Variants in SHANK1 observed in about 807,000 individuals in gnomAD.
The protein encoded by SHANK1 is SH3 and multiple ankyrin repeat domains 1, also known as SH3 and multiple ankyrin repeat domains protein 1.
SHANK1 carries 35 observed loss-of-function variants against 165.6 expected under a neutral mutation model. The ratio of observed to expected loss-of-function variants is 0.21; its 90% confidence interval spans 0.16 to 0.28. The LOEUF (loss-of-function observed/expected upper bound fraction) is 0.28, where lower values mean the gene tolerates loss of function less well. SHANK1 is among the 10% of genes least tolerant of loss of function. SHANK1 has a pLI of 1.00. For missense variants in SHANK1, 2,681 were observed against 3,036.4 expected (o/e 0.88, Z 2.75); for synonymous variants, 1,428 against 1,384.8 (o/e 1.03, Z -0.69).
In SHANK1 at chr19:50,668,483, G is replaced by A; in HGVS notation, c.3477C>T (p.Ile1159=). ...TGCTACTGGTGGACGGGGCCTTGAT[G>A]ATGATGGTGGGGATGGGGATGGAGT... ...EKNSIPIPTI[I]IKAPSTSSSG... is the part of the protein sequence containing the mutation. Residue 1159 remains isoleucine (I), a synonymous_variant, in exon 23 of 24, where the codon ATC becomes ATT. Transcript: ENST00000293441. The A allele has an allele frequency of 9.7e-6, 13 of 1,344,282 alleles. No individual in the cohort carries two copies. The highest frequency in any genetic ancestry group is 1.2e-5 in the Non-Finnish European group (13 of 1,047,040). The allele number at this position is 1,344,282 out of a possible 1,614,324, so 83.3% of individuals were successfully genotyped here. A position where few individuals can be genotyped will look rare whatever the true frequency, so the allele number is the denominator to read the frequency against.
intron 15 of SHANK1, among the ~76,000 whole-genome samples, chr19:50,695,250 GGGGGGCGC>G (rs1426425333): frequency 7.6e-5 from 11 of 145,646 alleles, no homozygotes; most frequent in Admixed American, 4.7e-4. Context: ...CTCACATGCC[GGGGGGCGC>G]GGGGGCGCGG....
chr19:50,672,572 A>AAG (rs1275662650), intron 21 of SHANK1, among the ~76,000 whole-genome samples: 4 of 151,224 alleles, frequency 2.6e-5, no homozygotes, highest in African/African-American at 9.7e-5. Context: ...AAAAAAAAAA[A>AAG]AAAAAAAAGA....
chr19:50,714,351 T>C, intron 4 of SHANK1, 61 bp from the exon 5 acceptor site: 1 of 1,457,916 alleles, frequency 6.9e-7, no homozygotes, highest in Non-Finnish European at 9.5e-7. Flanking sequence ...AGAAGCAGGG[T>C]CCTCAAGCAG....
In SHANK1 at chr19:50,662,017, A is replaced by G. The variant is rs1985248434; in HGVS notation, c.6434T>C (p.Val2145Ala). The change falls in exon 24 of 24, where the codon GTG becomes GCG. Residue 2145 changes from valine to alanine, a missense_variant. By Grantham distance (64) the Val-to-Ala change is moderately conservative. Coordinates refer to ENST00000293441, the MANE Select transcript of SHANK1 (RefSeq NM_016148.5). The surrounding 1 kb of genome is among the most constrained non-coding windows in gnomAD (Gnocchi z 7.7). ...EDYVDLGVTR[V>A]GHRMNIDRAL... ...CCGGTCGATGTTCATGCGGTGGCCC[A>G]CCCTGGTCACACCTAGATCGACGTA... 6.2e-7 allele frequency: 1 copy of G among 1,613,962 alleles called. No homozygotes were observed.
rs768312167 is a variant in SHANK1, at chr19:50,667,434, C to T, written c.4526G>A (p.Gly1509Asp). Residue 1509 changes from glycine to aspartate, a missense_variant, in exon 23 of 24, where the codon GGT (glycine) becomes GAT (aspartate). Transcript: ENST00000293441. This position sits in a 1 kb window ranked among gnomAD's most constrained non-coding sequence, Gnocchi z 5.7. ...CCCCGGCCCGTCCTCCGAGGGGGGA[C>T]CCCTTCCGCTCGTCACAGGGGCCCG... is the stretch of plus-strand genomic sequence containing the variant. ...QPRAPVTSGR[G>D]PPSEDGPGVP... is the part of the protein sequence containing the mutation. 1.3e-6 allele frequency: 2 copies of T among 1,524,880 alleles called. No homozygotes were observed. Among genetic ancestry groups the T allele is most frequent in the South Asian group, 2.4e-5 (2 of 81,768 alleles). 94.5% of individuals were successfully genotyped at this position (1,524,880 alleles called of 1,614,324 possible).
chr19:50,694,836 A>C (rs868267119), intron 15 of SHANK1, among the ~76,000 whole-genome samples: 1 of 123,730 alleles, frequency 8.1e-6, no homozygotes, highest in Non-Finnish European at 1.7e-5. Flanking sequence ...GCGGCGGGGG[A>C]GGGTCGCCAC....
chr19:50,688,124 A>AC lies in SHANK1; in HGVS notation c.2173-67dup. The AC allele has an allele frequency of 1.3e-6, 2 of 1,593,560 alleles. No homozygotes were observed. The highest frequency in any genetic ancestry group is 1.7e-6 in the Non-Finnish European group (2 of 1,168,170). ...GGGAGGGGTGCTTGCAGCTTCAGAG[A>AC]CCCCAAGGAGGATGCCTCCTGCGCT... is the stretch of plus-strand genomic sequence containing the variant. On this transcript the variant is annotated intron_variant, in intron 17 of 23. Transcript: ENST00000293441. This position sits in a 1 kb window ranked among gnomAD's most constrained non-coding sequence, Gnocchi z 6.7.
intron 21 of SHANK1, 122 bp from the exon 22 acceptor site, chr19:50,672,236 G>C: frequency 1.3e-6 from 1 of 797,406 alleles, no homozygotes; most frequent in Non-Finnish European, 2.0e-6. Context: ...CTGCCGTAAG[G>C]GAGAGCAGTG....
At chr19:50,703,209 C>G (rs768121088) in intron 11 of SHANK1, among the ~76,000 whole-genome samples, 1 of 151,992 alleles carries the variant, frequency 6.6e-6, no homozygotes, top group Non-Finnish European at 1.5e-5. Flanking sequence ...CAGCTTCCCT[C>G]CACCTCACCC....
At chr19:50,665,967 C>T (rs1050860981) in intron 23 of SHANK1, among the ~76,000 whole-genome samples, 18 of 148,174 alleles carry the variant, frequency 1.2e-4, no homozygotes, top group African/African-American at 4.0e-4. Context: ...GCCGAGATCA[C>T]GCCATTGCAC....
In SHANK1 at chr19:50,660,118, TG is replaced by T. The variant is rs112388773; in HGVS notation, c.*1846del. On this transcript the variant is annotated 3_prime_UTR_variant, in exon 24 of 24. Coordinates refer to ENST00000293441, the MANE Select transcript of SHANK1 (RefSeq NM_016148.5). Reference sequence around the variant, plus strand: ...AGCTCCCTTCTTTGGCAGCTGAACATGGGGGGGGGACCTGAGGGCAACGCCC... The same window carrying T: ...AGCTCCCTTCTTTGGCAGCTGAACATGGGGGGGGACCTGAGGGCAACGCCC... Among the ~76,000 whole-genome samples the T allele has an allele frequency of 0.47, 66,238 of 141,766 alleles. 17,743 individuals carry two copies. Among genetic ancestry groups the T allele is most frequent in the African/African-American group, 0.77 (30,117 of 39,236 alleles). 93.0% of individuals were successfully genotyped at this position (141,766 alleles called of 152,430 possible).
chr19:50,681,795 C>T (rs1986189852), intron 21 of SHANK1, among the ~76,000 whole-genome samples: 1 of 152,166 alleles, frequency 6.6e-6, no homozygotes, highest in African/African-American at 2.4e-5. Flanking sequence ...TTTATTGAGA[C>T]AGGTCTCATT....
intron 15 of SHANK1, among the ~76,000 whole-genome samples, chr19:50,692,123 C>T (rs1210740049): frequency 6.6e-6 from 1 of 152,134 alleles, no homozygotes; most frequent in Non-Finnish European, 1.5e-5. Flanking sequence ...CTCCACTCCA[C>T]AGCACCGAAA....
At chr19:50,708,006 G>T (rs1346256417) in intron 8 of SHANK1, among the ~76,000 whole-genome samples, 1 of 150,296 alleles carries the variant, frequency 6.7e-6, no homozygotes, top group African/African-American at 2.4e-5. Context: ...GGAGTGCAAT[G>T]GCGCGATCTC....
chr19:50,711,887 T>A, intron 7 of SHANK1, 60 bp downstream of exon 7: 1 of 1,597,670 alleles, frequency 6.3e-7, no homozygotes, highest in Non-Finnish European at 8.6e-7. Flanking sequence ...CCCCAGCCCC[T>A]TGGATGCCTC....
At chr19:50,696,597 G>C (rs1365309581) in intron 15 of SHANK1, among the ~76,000 whole-genome samples, 1 of 151,946 alleles carries the variant, frequency 6.6e-6, no homozygotes, top group Admixed American at 6.6e-5. Context: ...CCTTCTGGAG[G>C]CCCAAGCCCT....
In SHANK1 at chr19:50,688,763, C is replaced by A. The variant is rs1568436209; in HGVS notation, c.2172+81G>T. On this transcript the variant is annotated intron_variant, in intron 17 of 23. Coordinates refer to ENST00000293441, the MANE Select transcript of SHANK1 (RefSeq NM_016148.5). The surrounding 1 kb of genome is among the most constrained non-coding windows in gnomAD (Gnocchi z 6.7). ...GGTGCCAAAGGAGAATAAAACTGGG[C>A]AGCCAGATCCTGGTGTGAATCATGA... 6.9e-7 allele frequency: 1 copy of A among 1,440,358 alleles called. No individual in the cohort carries two copies. The highest frequency in any genetic ancestry group is 9.4e-7 in the Non-Finnish European group (1 of 1,061,732). The allele number at this position is 1,440,358 out of a possible 1,614,324, so 89.2% of individuals were successfully genotyped here.
At chr19:50,682,024 G>A (rs550418445) in intron 21 of SHANK1, among the ~76,000 whole-genome samples, 3 of 152,034 alleles carry the variant, frequency 2.0e-5, no homozygotes, top group Admixed American at 6.6e-5. Context: ...GATTACAGGT[G>A]TGAACCACTG....
chr19:50,715,757 G>A (rs900645776), intron 3 of SHANK1, 27 bp from the exon 4 acceptor site: 4 of 1,599,628 alleles, frequency 2.5e-6, no homozygotes, highest in African/African-American at 2.7e-5. Flanking sequence ...GGTAGTGAGA[G>A]AGACACAGAG....
Sources: gnomAD v4.1 joint callset for allele counts (sites outside exome capture counted in the v4.1 genomes callset) on GRCh38, gnomAD v4.1.1 for gene constraint, Gnocchi (gnomAD v3.1) non-coding constraint, MANE v1.5 for transcripts, NCBI Gene and HGNC (gene_info 2026-07-23, HGNC 2026-07-21) for gene names.